The following SAMD12 variants were observed in gnomAD, a reference collection of about 807,000 sequenced individuals.
The protein encoded by SAMD12 is sterile alpha motif domain containing 12.
A neutral mutation model predicts 15.0 loss-of-function variants in SAMD12; 9 were observed. The ratio of observed to expected loss-of-function variants is 0.60; its 90% CI spans 0.36 to 1.05. SAMD12 has a LOEUF of 1.05. SAMD12 is among the 50% of genes least tolerant of loss of function. SAMD12 has a pLI of 0.01. For missense variants in SAMD12, 230 were observed against 234.2 expected (o/e 0.98, Z 0.12); for synonymous variants, 86 against 90.1 (o/e 0.96, Z 0.25).
intron 2 of SAMD12, among the ~76,000 whole-genome samples, chr8:118,448,084 G>A (rs1057441235): frequency 6.6e-6 from 1 of 152,122 alleles, no homozygotes; most frequent in African/African-American, 2.4e-5. Context: ...CACTACACCA[G>A]TCTTCTTCCT....
At chr8:118,142,114 GA>G in the SAMD12 span, among the ~76,000 whole-genome samples, 1 of 152,142 alleles carries the variant, frequency 6.6e-6, no homozygotes, top group African/African-American at 2.4e-5. Context: ...TTTGGCACCT[GA>G]TTAGAAAAGT....
Position 118,565,307 on chromosome 8 carries a change from A to G in SAMD12, c.192+15408T>C, listed in dbSNP as rs1490361021. ...TGGTTGGGGAACAGGATCAAAAATTAGACTGAAAGAGAAAGGCCAGATGAG... is the reference window on the plus strand; with the variant it reads ...TGGTTGGGGAACAGGATCAAAAATTGGACTGAAAGAGAAAGGCCAGATGAG... On this transcript the variant is annotated intron_variant, in intron 2 of 3. Coordinates refer to ENST00000314727, the MANE Select transcript of SAMD12 (RefSeq NM_207506.3). Among the ~76,000 whole-genome samples, 4 of 152,218 alleles carry G rather than the reference A, an allele frequency of 2.6e-5. No homozygotes were observed. The East Asian group carries it at 7.7e-4, about 29-fold the overall frequency.
At chr8:118,153,411 AG>A in the SAMD12 span, among the ~76,000 whole-genome samples, 1 of 152,244 alleles carries the variant, frequency 6.6e-6, no homozygotes, top group Non-Finnish European at 1.5e-5. Flanking sequence ...GGGAAAGGAA[AG>A]TACACTCTGT....
intron 1 of SAMD12, among the ~76,000 whole-genome samples, chr8:118,613,484 T>C (rs979895217): frequency 6.6e-6 from 1 of 152,246 alleles, no homozygotes; most frequent in Non-Finnish European, 1.5e-5. Context: ...GGACAAAATA[T>C]CTTTCATATC....
intron 3 of SAMD12, among the ~76,000 whole-genome samples, chr8:118,416,108 G>T (rs1821674308): frequency 6.6e-6 from 1 of 152,064 alleles, no homozygotes. Flanking sequence ...AGGGAAGCTG[G>T]GTTCCAATAA....
chr8:118,533,577 G>C (rs1480377831), intron 2 of SAMD12, among the ~76,000 whole-genome samples: 4 of 152,192 alleles, frequency 2.6e-5, no homozygotes, highest in Admixed American at 2.6e-4. Context: ...GGGAGTCTAA[G>C]TCTCTTTGTA....
At chr8:118,321,144 A>AATAAATAAATAAATAAAT (rs57107358) in intron 4 of SAMD12, among the ~76,000 whole-genome samples, 1 of 94,508 alleles carries the variant, frequency 1.1e-5, no homozygotes, top group African/African-American at 4.1e-5. Context: ...ATAGATAATA[A>AATAAATAAATAAATAAAT]ATATATATAT....
At chr8:118,485,555 G>A (rs1299498641) in intron 2 of SAMD12, among the ~76,000 whole-genome samples, 2 of 152,070 alleles carry the variant, frequency 1.3e-5, no homozygotes, top group African/African-American at 4.8e-5. Flanking sequence ...TGACATTTGT[G>A]CTATAGAAGT....
At position 118,266,167 on chromosome 8, in the gene SAMD12, C is replaced by T. The variant is rs191800086; in HGVS notation, c.434-68435G>A. 2.0e-3 allele frequency among the ~76,000 whole-genome samples: 307 copies of T among 152,220 alleles called. 1 individual carries two copies. Among genetic ancestry groups the T allele is most frequent in the South Asian group, 0.011 (55 of 4,828 alleles). On this transcript the variant is annotated intron_variant, in intron 4 of 4. Transcript: ENST00000409003. The stretch of plus-strand genomic sequence containing the variant: ...ATCAGATCTTGTGAGAACTCACTCA[C>T]TATCACGAGAAGAGTATGGAGTAAA...
chr8:118,145,399 G>A, the SAMD12 span, among the ~76,000 whole-genome samples: 1 of 152,180 alleles, frequency 6.6e-6, no homozygotes, highest in African/African-American at 2.4e-5. Flanking sequence ...AATTATATAA[G>A]ATCAAAACAT....
At chr8:118,201,194 C>T (rs899716087) in intron 4 of SAMD12, among the ~76,000 whole-genome samples, 1 of 152,202 alleles carries the variant, frequency 6.6e-6, no homozygotes. Context: ...CTTTGATATA[C>T]AACGCTCTTT....
At chr8:118,263,744 A>G (rs1474617560) in intron 4 of SAMD12, among the ~76,000 whole-genome samples, 4 of 152,144 alleles carry the variant, frequency 2.6e-5, no homozygotes, top group African/African-American at 9.7e-5. Flanking sequence ...GTAAGTGCCC[A>G]GAAGATGCTG....
rs147317970 is a variant in SAMD12 at position 118,533,831 on chromosome 8, C to T, written c.192+46884G>A. Among the ~76,000 whole-genome samples, 884 of 151,740 alleles carry T rather than the reference C, an allele frequency of 5.8e-3. 6 individuals carry two copies. Among genetic ancestry groups the T allele is most frequent in the African/African-American group, 0.019 (783 of 41,358 alleles). On this transcript the variant is annotated intron_variant, in intron 2 of 3. Coordinates refer to ENST00000314727, the MANE Select transcript of SAMD12 (RefSeq NM_207506.3). ...TCCATCCCTTTATTTTGAGCCTATG[C>T]GTGTCTCTGCATGTGAGATGGGTTT...
At chr8:118,596,023 G>A (rs1724414693) in intron 1 of SAMD12, among the ~76,000 whole-genome samples, 1 of 152,190 alleles carries the variant, frequency 6.6e-6, no homozygotes, top group South Asian at 2.1e-4. Context: ...AGTTAAACAT[G>A]CTTAAGTGGT....
chr8:118,446,209 T>C (rs1352531867), intron 2 of SAMD12, among the ~76,000 whole-genome samples: 2 of 124,712 alleles, frequency 1.6e-5, no homozygotes, highest in African/African-American at 7.9e-5. Context: ...TTGTAGTGTC[T>C]TTTTTTTTTT....
intron 3 of SAMD12, among the ~76,000 whole-genome samples, chr8:118,429,762 C>T (rs1470453604): frequency 6.6e-6 from 1 of 152,102 alleles, no homozygotes; most frequent in African/African-American, 2.4e-5. Flanking sequence ...GGCATGGTGG[C>T]AGATGCCTAT....
intron 2 of SAMD12, among the ~76,000 whole-genome samples, chr8:118,533,419 G>A (rs1303360490): frequency 6.6e-6 from 1 of 152,204 alleles, no homozygotes; most frequent in African/African-American, 2.4e-5. Flanking sequence ...ATATTCTGTT[G>A]ATTTGGGGTG....
intron 4 of SAMD12, among the ~76,000 whole-genome samples, chr8:118,213,040 T>C (rs1166963512): frequency 6.6e-6 from 1 of 152,186 alleles, no homozygotes; most frequent in African/African-American, 2.4e-5. Flanking sequence ...GGAGGGAGGC[T>C]GGACCTCATC....
intron 4 of SAMD12, among the ~76,000 whole-genome samples, chr8:118,260,484 T>C (rs1013965301): frequency 6.6e-6 from 1 of 152,142 alleles, no homozygotes; most frequent in Admixed American, 6.6e-5. Flanking sequence ...GCACCAAGTA[T>C]AGAGTATCCT....
Sources: gnomAD v4.1 joint callset for allele counts (sites outside exome capture counted in the v4.1 genomes callset) on GRCh38, gnomAD v4.1.1 for gene constraint, MANE v1.5 for transcripts, NCBI Gene and HGNC (gene_info 2026-07-23, HGNC 2026-07-21) for gene names.